The following LYAR variants were observed in gnomAD, a reference collection of about 807,000 sequenced individuals.
LYAR encodes the protein cell growth-regulating nucleolar protein.
A neutral mutation model predicts 45.2 loss-of-function variants in LYAR; 37 were observed. The ratio of observed to expected loss-of-function variants is 0.82; its 90% CI spans 0.63 to 1.08. LYAR has a LOEUF of 1.08. Among genes scored for constraint, LYAR ranks in the 50% least tolerant of loss-of-function variants. The pLI is 0.00. For missense variants in LYAR, 493 were observed against 451.0 expected, an observed-to-expected ratio of 1.09 and a Z score of -0.84; for synonymous variants, 176 against 155.1, an observed-to-expected ratio of 1.14 and a Z score of -1.00.
intron 4 of LYAR, 57 bp from the exon 5 acceptor site, chr4:4,279,806 T>C (rs1472399495): frequency 5.1e-6 from 6 of 1,167,132 alleles, no homozygotes; most frequent in East Asian, 2.4e-5. Context: ...ATGAGTTTCA[T>C]GAAAGCCAAT....
chr4:4,283,165 C>A (rs756541363), intron 3 of LYAR, among the ~76,000 whole-genome samples: 6 of 152,182 alleles, frequency 3.9e-5, no homozygotes, highest in East Asian at 1.9e-4. Context: ...TTCTCCCCCC[C>A]AAGAAGGGGT....
chr4:4,278,236 T>C (rs866951318), intron 6 of LYAR, among the ~76,000 whole-genome samples: 1 of 152,164 alleles, frequency 6.6e-6, no homozygotes, highest in African/African-American at 2.4e-5. Flanking sequence ...ATTTTCATCT[T>C]GATGCCCACT....
At position 4,274,460 on chromosome 4, in the gene LYAR, T is replaced by A. The variant is rs989083108; in HGVS notation, c.739A>T (p.Lys247Ter). The A allele has an allele frequency of 7.4e-6, 12 of 1,613,950 alleles. No individual in the cohort carries two copies. The highest frequency in any genetic ancestry group is 1.0e-5 in the Non-Finnish European group (12 of 1,180,028). Residue 247 changes from lysine (K) to a stop codon, truncating the protein, a stop_gained, in exon 7 of 10, where the codon AAG becomes TAG. Transcript: ENST00000343470. LOFTEE classifies it high-confidence loss of function. ...CGCTGCTTCTTCTTCTTGCTCCTCTTCCCTGCAGAGCCATTGGCCTCAGGG... is the reference window on the plus strand; with the variant it reads ...CGCTGCTTCTTCTTCTTGCTCCTCTACCCTGCAGAGCCATTGGCCTCAGGG... ...EVPEANGSAG[K>*]RSKKKKQRKD...
Position 4,267,788 on chromosome 4 carries a change from A to G in LYAR, c.*101T>C. 9.5e-7 allele frequency: 1 copy of G among 1,049,352 alleles called. No homozygotes were observed. The highest frequency in any genetic ancestry group is 1.3e-6 in the Non-Finnish European group (1 of 786,644). The allele number at this position is 1,049,352 out of a possible 1,614,324, so 65.0% of individuals were successfully genotyped here. On this transcript the variant is annotated 3_prime_UTR_variant, in exon 10 of 10. Transcript: ENST00000343470. ...TTCTTAACTTAAAAATACAGCTTCA[A>G]AAAGCAAAATTTGAGTTGTTAGAAT... is the stretch of plus-strand genomic sequence containing the variant.
Position 4,274,441 on chromosome 4 carries a change from T to G in LYAR, c.758A>C (p.Lys253Thr). The change falls in exon 7 of 10, where the codon AAG becomes ACG. Residue 253 changes from lysine (K) to threonine (T), a missense_variant. Physicochemically the swap from Lys to Thr is moderately conservative, Grantham distance 78. Transcript: ENST00000343470. ...CTCACTGGCGCTGTCCTTGCGCTGCTTCTTCTTCTTGCTCCTCTTCCCTGC... is the reference window on the plus strand; with the variant it reads ...CTCACTGGCGCTGTCCTTGCGCTGCGTCTTCTTCTTGCTCCTCTTCCCTGC... The part of the protein sequence containing the change: ...GSAGKRSKKK[K>T]QRKDSASEEE... The G allele has an allele frequency of 6.2e-7, 1 of 1,613,960 alleles. No homozygotes were observed. Among genetic ancestry groups the G allele is most frequent in the East Asian group, 2.2e-5 (1 of 44,866 alleles).
intron 3 of LYAR, among the ~76,000 whole-genome samples, chr4:4,282,252 A>G (rs1338749135): frequency 6.6e-6 from 1 of 152,230 alleles, no homozygotes. Flanking sequence ...AAAAATCTCA[A>G]TGTCTAATAG....
At position 4,274,649 on chromosome 4, in the gene LYAR, C is replaced by G. The variant is rs376872817; in HGVS notation, c.550G>C (p.Val184Leu). ...VKDAVEQQGE[V>L]KKNKRERKEE... ...TTTCTTTCTCTTTTATTCTTCTTCA[C>G]CTCCCCTTGCTGTTCCACGGCGTCT... Residue 184 changes from valine to leucine, a missense_variant, in exon 7 of 10, where the codon GTG (valine) becomes CTG (leucine). Transcript: ENST00000343470. The G allele has an allele frequency of 6.2e-7, 1 of 1,614,128 alleles. No homozygotes were observed. Among genetic ancestry groups the G allele is most frequent in the South Asian group, 1.1e-5 (1 of 91,076 alleles).
Position 4,281,857 on chromosome 4 carries a change from C to A in LYAR, c.163G>T (p.Asp55Tyr), listed in dbSNP as rs757611452. ...TAGCCTTTGCCACCATACTTCTGATCTTCACTTATGCATTTCACGTGGTTT... is the reference window on the plus strand; with the variant it reads ...TAGCCTTTGCCACCATACTTCTGATATTCACTTATGCATTTCACGTGGTTT... ...YKNHVKCISE[D>Y]QKYGGKGYEG... Residue 55 changes from aspartate to tyrosine, a missense_variant, in exon 4 of 10, where the codon GAT (aspartate) becomes TAT (tyrosine). Physicochemically the swap from Asp to Tyr is radical, Grantham distance 160 (BLOSUM62 -3). Coordinates refer to ENST00000343470, the MANE Select transcript of LYAR (RefSeq NM_017816.3). 7 of 1,614,172 alleles carry A rather than the reference C, an allele frequency of 4.3e-6. No individual in the cohort carries two copies.
At chr4:4,276,995 GA>G (rs1174532760) in intron 6 of LYAR, among the ~76,000 whole-genome samples, 3 of 152,160 alleles carry the variant, frequency 2.0e-5, no homozygotes, top group African/African-American at 7.2e-5. Context: ...AGGGGACAAA[GA>G]AACTTCACAT....
intron 2 of LYAR, 76 bp downstream of exon 2, chr4:4,286,443 C>G (rs1418207000): frequency 6.6e-6 from 1 of 152,136 alleles, no homozygotes; most frequent in African/African-American, 2.4e-5. Flanking sequence ...AAAAAGCCGT[C>G]AGGTGGAAAT....
intron 1 of LYAR, chr4:4,289,520 A>T (rs1719771011): frequency 6.6e-6 from 1 of 152,194 alleles, no homozygotes; most frequent in African/African-American, 2.4e-5. Flanking sequence ...TACTCATGTA[A>T]TCCTCATCAC....
At chr4:4,281,663 A>C in intron 4 of LYAR, 120 bp downstream of exon 4, 1 of 752,668 alleles carries the variant, frequency 1.3e-6, no homozygotes, top group South Asian at 1.6e-5. Context: ...TGTCTATCCT[A>C]GGACATGAGG....
rs7376390 is a variant in LYAR, at chr4:4,274,405, C to A, written c.794G>T (p.Arg265Leu). 6.8e-6 allele frequency: 11 copies of A among 1,613,796 alleles called. No homozygotes were observed. In the Admixed American group the frequency reaches 8.3e-5, roughly 12 times the overall value. Residue 265 changes from arginine to leucine, a missense_variant, in exon 7 of 10, where the codon CGC (arginine) becomes CTC (leucine). Arg to Leu is a moderately radical substitution (Grantham distance 102). Coordinates refer to ENST00000343470, the MANE Select transcript of LYAR (RefSeq NM_017816.3). ...CCGCTTCCTCTTCCCTGCGCCCACG[C>A]GTGCCTCTTCCTCACTGGCGCTGTC... ...RKDSASEEEA[R>L]VGAGKRKRRH...
intron 2 of LYAR, among the ~76,000 whole-genome samples, chr4:4,285,983 T>G (rs1719595644): frequency 6.6e-6 from 1 of 152,218 alleles, no homozygotes; most frequent in South Asian, 2.1e-4. Context: ...AAATATCAAT[T>G]CAGAAGGTGA....
intron 1 of LYAR, among the ~76,000 whole-genome samples, chr4:4,287,178 A>G (rs1410461256): frequency 2.0e-5 from 3 of 152,094 alleles, no homozygotes; most frequent in Non-Finnish European, 4.4e-5. Flanking sequence ...CCTCTGCCCA[A>G]TGTCCAGTCC....
chr4:4,284,724 A>G (rs1357294028), intron 2 of LYAR, among the ~76,000 whole-genome samples: 1 of 152,236 alleles, frequency 6.6e-6, no homozygotes, highest in African/African-American at 2.4e-5. Flanking sequence ...CCATACTTAC[A>G]TAATTTTTAA....
chr4:4,278,254 G>A (rs923733405), intron 6 of LYAR, among the ~76,000 whole-genome samples: 4 of 152,148 alleles, frequency 2.6e-5, no homozygotes, highest in East Asian at 1.9e-4. Flanking sequence ...ACTTGTTGCC[G>A]AAAGTATTCT....
intron 8 of LYAR, among the ~76,000 whole-genome samples, chr4:4,272,169 A>G (rs747186408): frequency 6.6e-5 from 10 of 152,212 alleles, no homozygotes; most frequent in Non-Finnish European, 1.5e-4. Flanking sequence ...CCATGTCAAC[A>G]TCCCGGCTGA....
rs774409462 is a variant in LYAR at position 4,276,273 on chromosome 4, C to T, written c.430-1504G>A. Among the ~76,000 whole-genome samples the T allele has an allele frequency of 3.3e-5, 5 of 152,250 alleles. No individual in the cohort carries two copies. In the East Asian group the frequency reaches 5.8e-4, roughly 18 times the overall value. On this transcript the variant is annotated intron_variant, in intron 6 of 9. Coordinates refer to ENST00000343470, the MANE Select transcript of LYAR (RefSeq NM_017816.3). ...TCTAGCCAAAGGACAGGGTAAGTTA[C>T]CTACAGTCTTCCTCCTTTGGGAGAT... is the stretch of plus-strand genomic sequence containing the variant.
Sources: gnomAD v4.1 joint callset for allele counts (sites outside exome capture counted in the v4.1 genomes callset) on GRCh38, gnomAD v4.1.1 for gene constraint, MANE v1.5 for transcripts, NCBI Gene and HGNC (gene_info 2026-07-23, HGNC 2026-07-21) for gene names.